Variants in SLIT3 observed in about 807,000 individuals in gnomAD.
SLIT3 encodes slit guidance ligand 3.
SLIT3 carries 68 observed loss-of-function variants against 184.0 expected under a neutral mutation model. The observed-to-expected ratio is 0.37, with a 90% CI of 0.30 to 0.45. The LOEUF is 0.45. Ranked by LOEUF, SLIT3 falls within the 20% of genes least tolerant of loss-of-function variation. SLIT3 has a pLI of 1.00. For synonymous variants in SLIT3, 831 were observed against 828.6 expected (o/e 1.00, Z -0.05); for missense variants, 1,707 against 2,026.0 (o/e 0.84, Z 3.02).
chr5:169,002,655 T>A (rs1214737985), intron 4 of SLIT3, among the ~76,000 whole-genome samples: 1 of 152,220 alleles, frequency 6.6e-6, no homozygotes, highest in Non-Finnish European at 1.5e-5. Flanking sequence ...GGGGCTCTAA[T>A]GTAGAAACAT....
chr5:169,198,990 T>TTA (rs570660334), intron 3 of SLIT3, among the ~76,000 whole-genome samples: 10,613 of 133,514 alleles, frequency 0.079, 465 homozygotes, highest in Non-Finnish European at 0.11. Flanking sequence ...GTGTGTATAT[T>TTA]TATATATATA....
chr5:168,870,894 T>C (rs1250087748), intron 5 of SLIT3, among the ~76,000 whole-genome samples: 1 of 152,230 alleles, frequency 6.6e-6, no homozygotes, highest in South Asian at 2.1e-4. Context: ...TTTATTTTAA[T>C]AGAAGAGGAA....
At chr5:169,091,544 T>C (rs1759584722) in intron 4 of SLIT3, among the ~76,000 whole-genome samples, 1 of 152,196 alleles carries the variant, frequency 6.6e-6, no homozygotes, top group South Asian at 2.1e-4. Context: ...TGTACAGCAT[T>C]TTTCTGAGTA....
chr5:168,707,935 G>C (rs1762425672), intron 26 of SLIT3, 41 bp downstream of exon 26: 2 of 1,612,814 alleles, frequency 1.2e-6, no homozygotes, highest in Middle Eastern at 1.7e-4. Flanking sequence ...TGAAGGAGGA[G>C]CCTGAGGCAT....
chr5:168,715,944 T>A (rs921808893), intron 23 of SLIT3, among the ~76,000 whole-genome samples: 1 of 151,916 alleles, frequency 6.6e-6, no homozygotes, highest in Non-Finnish European at 1.5e-5. Context: ...AGTGCTGGAA[T>A]TACAGGCATG....
chr5:169,097,680 T>C (rs13173842), intron 4 of SLIT3, among the ~76,000 whole-genome samples: 108,973 of 152,134 alleles, frequency 0.72, 39,179 homozygotes, highest in Middle Eastern at 0.78. Context: ...CAGAGGGGGC[T>C]GTTGGAGGAG....
intron 1 of SLIT3, among the ~76,000 whole-genome samples, chr5:169,252,806 C>T (rs1371207780): frequency 6.6e-6 from 1 of 152,150 alleles, no homozygotes; most frequent in Non-Finnish European, 1.5e-5. Context: ...CTCCTTTATA[C>T]AGTTGCATAA....
At chr5:169,220,596 G>A (rs10866631) in intron 3 of SLIT3, among the ~76,000 whole-genome samples, 21,796 of 147,616 alleles carry the variant, frequency 0.15, 1,902 homozygotes, top group East Asian at 0.44. Flanking sequence ...AAAGACAGAC[G>A]ACAATAGCTA....
chr5:169,143,308 C>A (rs985145041), intron 4 of SLIT3, among the ~76,000 whole-genome samples: 4 of 152,126 alleles, frequency 2.6e-5, no homozygotes, highest in Admixed American at 6.5e-5. Flanking sequence ...AATCCAAACA[C>A]CACCAATAGA....
At chr5:169,092,076 A>T (rs1759609326) in intron 4 of SLIT3, among the ~76,000 whole-genome samples, 1 of 152,182 alleles carries the variant, frequency 6.6e-6, no homozygotes, top group African/African-American at 2.4e-5. Context: ...TACACAAATT[A>T]GCCAGGCGTG....
chr5:169,054,358 G>A (rs1462495136), intron 4 of SLIT3, among the ~76,000 whole-genome samples: 1 of 152,090 alleles, frequency 6.6e-6, no homozygotes, highest in Non-Finnish European at 1.5e-5. Context: ...AGGCTTTGGA[G>A]AGAGCCTGGC....
At chr5:169,143,427 A>T (rs1014791857) in intron 4 of SLIT3, among the ~76,000 whole-genome samples, 1 of 152,252 alleles carries the variant, frequency 6.6e-6, no homozygotes, top group Non-Finnish European at 1.5e-5. Context: ...ATATAAACTC[A>T]ATCTGACACC....
intron 26 of SLIT3, among the ~76,000 whole-genome samples, chr5:168,704,662 A>T (rs930856498): frequency 2.6e-5 from 4 of 152,248 alleles, no homozygotes; most frequent in Non-Finnish European, 4.4e-5. Context: ...AAACTGCTTC[A>T]CAAAGGCCTG....
intron 4 of SLIT3, among the ~76,000 whole-genome samples, chr5:168,888,466 TCCACCC>T (rs941772507): frequency 4.6e-5 from 7 of 152,322 alleles, no homozygotes; most frequent in Admixed American, 2.0e-4. Flanking sequence ...CCCAAGGGGA[TCCACCC>T]CAAAGTATTC....
chr5:168,945,608 C>T (rs1365533131), intron 4 of SLIT3, among the ~76,000 whole-genome samples: 3 of 152,306 alleles, frequency 2.0e-5, no homozygotes, highest in South Asian at 4.1e-4. Flanking sequence ...TCTGTGTCTC[C>T]GCCTGGAACC....
chr5:169,277,679 T>C (rs1160447895), intron 1 of SLIT3, among the ~76,000 whole-genome samples: 3 of 152,256 alleles, frequency 2.0e-5, no homozygotes, highest in Non-Finnish European at 4.4e-5. Flanking sequence ...GGGGTTTTTT[T>C]CCATATTTTG....
chr5:168,687,368 G>T (rs1354988580), intron 29 of SLIT3, among the ~76,000 whole-genome samples: 1 of 152,186 alleles, frequency 6.6e-6, no homozygotes, highest in Non-Finnish European at 1.5e-5. Context: ...CCAGCTTTTG[G>T]CTTGGATCTG....
At chr5:168,823,449 G>A in intron 6 of SLIT3, 118 bp from the exon 7 acceptor site, 10 of 783,138 alleles carry the variant, frequency 1.3e-5, no homozygotes, top group South Asian at 1.1e-4. Context: ...CAACAGTCAT[G>A]GCCCAGCCAG....
intron 7 of SLIT3, among the ~76,000 whole-genome samples, chr5:168,819,923 A>G (rs967119242): frequency 2.0e-5 from 3 of 152,180 alleles, no homozygotes; most frequent in African/African-American, 7.2e-5. Context: ...GCTCTCGTCA[A>G]AAGCCCAGGG....
Sources: allele counts gnomAD v4.1 joint callset (sites outside exome capture counted in the v4.1 genomes callset), GRCh38; gene constraint gnomAD v4.1.1; transcripts MANE v1.5; gene names NCBI Gene and HGNC (gene_info 2026-07-23, HGNC 2026-07-21).